The following IL17RD variants were observed in gnomAD, a reference collection of about 807,000 sequenced individuals.
IL17RD encodes interleukin-17 receptor D.
In IL17RD, 52 loss-of-function variants were observed where a neutral mutation model predicts 80.5. The observed-to-expected ratio is 0.65, with a 90% CI of 0.52 to 0.81. The LOEUF (loss-of-function observed/expected upper bound fraction) is 0.81, where lower values mean the gene tolerates loss of function less well. IL17RD is among the 40% of genes least tolerant of loss of function. The pLI is 0.00. For missense variants in IL17RD, 1,024 were observed against 955.1 expected (o/e 1.07, Z -0.95); for synonymous variants, 416 against 391.8 (o/e 1.06, Z -0.73).
intron 5 of IL17RD, among the ~76,000 whole-genome samples, chr3:57,108,534 T>TC (rs1707017703): frequency 3.5e-5 from 5 of 142,278 alleles, no homozygotes; most frequent in Non-Finnish European, 7.6e-5. Context: ...TTTTTTTTTT[T>TC]AGATGGAGGT....
chr3:57,166,956 G>A (rs1212328629), upstream of IL17RD, among the ~76,000 whole-genome samples: 1 of 152,194 alleles, frequency 6.6e-6, no homozygotes, highest in Non-Finnish European at 1.5e-5. Context: ...CACGTCCTTG[G>A]AGGGCTTAAG....
intron 1 of IL17RD, among the ~76,000 whole-genome samples, chr3:57,157,122 A>G (rs2060273395): frequency 6.6e-6 from 1 of 152,134 alleles, no homozygotes; most frequent in Non-Finnish European, 1.5e-5. Context: ...AAAGCAGGGG[A>G]AACTGAGGCA....
At chr3:57,156,926 A>C (rs968788898) in intron 1 of IL17RD, among the ~76,000 whole-genome samples, 1 of 152,132 alleles carries the variant, frequency 6.6e-6, no homozygotes, top group African/African-American at 2.4e-5. Flanking sequence ...GCCTCCCACG[A>C]ACCATTGAAA....
intron 1 of IL17RD, among the ~76,000 whole-genome samples, chr3:57,127,223 TATATATAA>T (rs1707481729): frequency 8.6e-6 from 1 of 116,148 alleles, no homozygotes; most frequent in Non-Finnish European, 1.6e-5. Context: ...TATATATAAA[TATATATAA>T]AAATATATAA....
rs778325121 is a variant in IL17RD, at chr3:57,098,176, G to T, written c.1527C>A (p.Ser509=). ...RLMDNLPQLC[S]HLHSRDHGLQ... The stretch of plus-strand genomic sequence containing the variant: ...GGCCGTGGTCTCGGGAGTGCAAGTG[G>T]GAACAGAGCTGAGGAAGATTGTCCA... The change falls in exon 12 of 13, where the codon TCC becomes TCA. Residue 509 remains serine, a synonymous_variant. Transcript: ENST00000296318. 1 of 1,613,946 alleles carries T rather than the reference G, an allele frequency of 6.2e-7. No individual in the cohort carries two copies. The highest frequency in any genetic ancestry group is 1.1e-5 in the South Asian group (1 of 91,078).
chr3:57,142,522 C>G (rs768961061), intron 1 of IL17RD: 1 of 1,287,508 alleles, frequency 7.8e-7, no homozygotes, highest in Non-Finnish European at 1.0e-6. Flanking sequence ...CCCCTCCAAC[C>G]GCCCCGTCTG....
At position 57,131,490 on chromosome 3, in the gene IL17RD, G is replaced by A. The variant is rs1579296116; in HGVS notation, c.127-11177C>T. 4.6e-5 allele frequency among the ~76,000 whole-genome samples: 7 copies of A among 152,338 alleles called. 1 individual carries two copies. Among genetic ancestry groups the A allele is most frequent in the Admixed American group, 4.6e-4 (7 of 15,294 alleles). On this transcript the variant is annotated intron_variant, in intron 1 of 12. Coordinates refer to ENST00000296318, the MANE Select transcript of IL17RD (RefSeq NM_017563.5). ...CACTCTGTTCATGTGTTCATGGACT[G>A]AAGTACAAAGTTTGGCCTCAAGATG...
At chr3:57,130,662 T>G (rs1398898369) in intron 1 of IL17RD, among the ~76,000 whole-genome samples, 1 of 152,212 alleles carries the variant, frequency 6.6e-6, no homozygotes, top group African/African-American at 2.4e-5. Context: ...TAAAGCCTCC[T>G]GTTTCACGGC....
chr3:57,127,931 T>TAAC (rs904402184), intron 1 of IL17RD, among the ~76,000 whole-genome samples: 1 of 152,196 alleles, frequency 6.6e-6, no homozygotes, highest in African/African-American at 2.4e-5. Context: ...TTCAAACCTT[T>TAAC]AACAACAACA....
rs1007266573 is a variant in IL17RD, at chr3:57,090,494, C to T, written c.*5899G>A. The T allele has an allele frequency of 6.6e-6, 1 of 152,508 alleles. No individual in the cohort carries two copies. Among genetic ancestry groups the T allele is most frequent in the African/African-American group, 2.4e-5 (1 of 41,452 alleles). 9.4% of individuals were successfully genotyped at this position (152,508 alleles called of 1,614,324 possible). ...GATCTCAGCTCACTGCAACCTCTGC[C>T]TCCCGGATTCAAGCGATTCTCCTGC... On this transcript the variant is annotated 3_prime_UTR_variant, in exon 13 of 13. Coordinates refer to ENST00000296318, the MANE Select transcript of IL17RD (RefSeq NM_017563.5).
At chr3:57,106,031 G>A in intron 6 of IL17RD, 23 bp from the exon 7 acceptor site, 1 of 1,613,672 alleles carries the variant, frequency 6.2e-7, no homozygotes, top group Non-Finnish European at 8.5e-7. Context: ...AGGACCCAGA[G>A]TGAGCAACCA....
At chr3:57,141,860 T>C (rs17057753) in intron 1 of IL17RD, among the ~76,000 whole-genome samples, 2,825 of 152,320 alleles carry the variant, frequency 0.019, 65 homozygotes, top group African/African-American at 0.057. Flanking sequence ...AGATGGATTT[T>C]GTCTTCCACC....
upstream of IL17RD, among the ~76,000 whole-genome samples, chr3:57,167,079 T>G (rs2060351606): frequency 6.6e-6 from 1 of 152,230 alleles, no homozygotes. Flanking sequence ...CTTCAGGGGC[T>G]GGAAGTGTGA....
At position 57,118,299 on chromosome 3, in the gene IL17RD, C is replaced by T. The variant is rs544402901; in HGVS notation, c.184+1957G>A. Among the ~76,000 whole-genome samples, 178 of 152,352 alleles carry T rather than the reference C, an allele frequency of 1.2e-3. 1 individual carries two copies. Among genetic ancestry groups the T allele is most frequent in the African/African-American group, 4.1e-3 (171 of 41,578 alleles). On this transcript the variant is annotated intron_variant, in intron 2 of 12. Coordinates refer to ENST00000296318, the MANE Select transcript of IL17RD (RefSeq NM_017563.5). ...TCCCTGAGTTGCACGTGTAAGTCCT[C>T]ACTGGTTAGCCTAAAATAGCCATGC...
rs1362541751 is a variant in IL17RD at position 57,090,217 on chromosome 3, C to T, written c.*6176G>A. 1 of 152,622 alleles carries T rather than the reference C, an allele frequency of 6.6e-6. No homozygotes were observed. Among genetic ancestry groups the T allele is most frequent in the East Asian group, 1.9e-4 (1 of 5,196 alleles). 9.5% of individuals were successfully genotyped at this position (152,622 alleles called of 1,614,324 possible). ...CAAAGGCAACGCCATCAATAACCACCATATTCCACAGGCTTTCTCCCCTAG... is the reference window on the plus strand; with the variant it reads ...CAAAGGCAACGCCATCAATAACCACTATATTCCACAGGCTTTCTCCCCTAG... On this transcript the variant is annotated 3_prime_UTR_variant, in exon 13 of 13. Transcript: ENST00000296318.
intron 1 of IL17RD, among the ~76,000 whole-genome samples, chr3:57,162,366 C>T (rs768827503): frequency 1.3e-5 from 2 of 152,214 alleles, no homozygotes; most frequent in East Asian, 1.9e-4. Flanking sequence ...ATAGTCGACC[C>T]TTATCCTTTT....
chr3:57,127,301 T>TAA (rs1707496879), intron 1 of IL17RD, among the ~76,000 whole-genome samples: 1 of 97,912 alleles, frequency 1.0e-5, no homozygotes. Flanking sequence ...TATAAATATA[T>TAA]ATAAAAATAT....
Position 57,096,468 on chromosome 3 carries a change from G to C in IL17RD, c.2145C>G (p.Leu715=), listed in dbSNP as rs367775788. ...EEPPALPSKL[L]SSGSCKADLG... ...GATCTGCTTTGCATGACCCAGAAGAGAGGAGCTTGGAAGGAAGGGCAGGAG... is the reference window on the plus strand; with the variant it reads ...GATCTGCTTTGCATGACCCAGAAGACAGGAGCTTGGAAGGAAGGGCAGGAG... Residue 715 remains leucine (L), a synonymous_variant, in exon 13 of 13, where the codon CTC becomes CTG. Coordinates refer to ENST00000296318, the MANE Select transcript of IL17RD (RefSeq NM_017563.5). 6.2e-7 allele frequency: 1 copy of C among 1,613,818 alleles called. No individual in the cohort carries two copies. Among genetic ancestry groups the C allele is most frequent in the African/African-American group, 1.3e-5 (1 of 74,934 alleles).
intron 1 of IL17RD, among the ~76,000 whole-genome samples, chr3:57,153,400 C>A (rs2060243061): frequency 1.3e-5 from 2 of 152,180 alleles, no homozygotes; most frequent in Admixed American, 1.3e-4. Flanking sequence ...CATGAGGAAA[C>A]AATCAAAAAT....
Sources: gnomAD v4.1 joint callset for allele counts (sites outside exome capture counted in the v4.1 genomes callset) on GRCh38, gnomAD v4.1.1 for gene constraint, MANE v1.5 for transcripts, NCBI Gene and HGNC (gene_info 2026-07-23, HGNC 2026-07-21) for gene names.